The following LRP3 variants were observed in gnomAD, a reference collection of about 807,000 sequenced individuals.
LRP3 encodes the protein LDL receptor related protein 3.
In LRP3, 49 loss-of-function variants were observed where a neutral mutation model predicts 58.5. The observed-to-expected ratio is 0.84, with a 90% CI of 0.67 to 1.06. The LOEUF (loss-of-function observed/expected upper bound fraction) is 1.06. Ranked by LOEUF, LRP3 falls within the 50% of genes least tolerant of loss-of-function variation. The probability of loss-of-function intolerance (pLI) is 0.00; values close to 1 mark genes in which losing one functional copy is unlikely to be tolerated. For missense variants in LRP3, 1,019 were observed against 1,134.2 expected, an observed-to-expected ratio of 0.90 and a Z score of 1.46; for synonymous variants, 485 against 492.2, an observed-to-expected ratio of 0.99 and a Z score of 0.20.
At chr19:33,195,389 A>G (rs1418362582) in intron 1 of LRP3, among the ~76,000 whole-genome samples, 2 of 151,582 alleles carry the variant, frequency 1.3e-5, no homozygotes, top group East Asian at 2.0e-4. Flanking sequence ...TCAGTTTAGG[A>G]GGGTGCTTGG....
intron 2 of LRP3, among the ~76,000 whole-genome samples, chr19:33,198,242 G>T (rs531624138): frequency 6.6e-6 from 1 of 152,338 alleles, no homozygotes; most frequent in Admixed American, 6.5e-5. Flanking sequence ...TGGAGCTTGG[G>T]CGAGGAGGAC....
rs758426268 is a variant in LRP3 at position 33,203,028 on chromosome 19, C to T, written c.260+42C>T. The T allele has an allele frequency of 2.9e-5, 47 of 1,601,892 alleles. 1 individual carries two copies. The Admixed American group carries it at 5.7e-4, about 20-fold the overall frequency. On this transcript the variant is annotated intron_variant, in intron 3 of 6. Coordinates refer to ENST00000253193, the MANE Select transcript of LRP3 (RefSeq NM_002333.4). ...GTGTCGGAAGGAATCAATGTGGGCC[C>T]ACGTGCATGGGGTGGGTGAGAATGT... is the stretch of plus-strand genomic sequence containing the variant.
chr19:33,206,871 G>T, intron 6 of LRP3, 117 bp from the exon 7 acceptor site: 1 of 1,204,084 alleles, frequency 8.3e-7, no homozygotes, highest in African/African-American at 1.6e-5. Flanking sequence ...TGGGGGGGGT[G>T]GACAAGGTGG....
rs578134725 is a variant in LRP3, at chr19:33,204,967, C to T, written c.475+115C>T. The T allele has an allele frequency of 4.9e-5, 46 of 943,394 alleles. No individual in the cohort carries two copies. The Middle Eastern group carries it at 7.8e-4, about 16-fold the overall frequency. The allele number at this position is 943,394 out of a possible 1,614,324, so 58.4% of individuals were successfully genotyped here. On this transcript the variant is annotated intron_variant, in intron 4 of 6. Transcript: ENST00000253193. ...GGGCCCCGGCTCCCTGTGGGATGTCCCCTGACCGCCCTGTCAATCTCAGGA... is the reference window on the plus strand; with the variant it reads ...GGGCCCCGGCTCCCTGTGGGATGTCTCCTGACCGCCCTGTCAATCTCAGGA...
Position 33,207,347 on chromosome 19 carries a change from C to G in LRP3, c.2085C>G (p.Pro695=), listed in dbSNP as rs767566045. 8.2e-6 allele frequency: 13 copies of G among 1,585,516 alleles called. No individual in the cohort carries two copies. The Admixed American group carries it at 1.4e-4, about 17-fold the overall frequency. Reference sequence around the variant, plus strand: ...GCCTGCGAGACCCAGAGTGCAGGCCCGTGGACAAGGACAGAAAGGTCTGCA... The same window carrying G: ...GCCTGCGAGACCCAGAGTGCAGGCCGGTGGACAAGGACAGAAAGGTCTGCA... ...PSGLRDPECR[P]VDKDRKVCRE... is the part of the protein sequence containing the mutation. Residue 695 remains proline (P), a synonymous_variant, in exon 7 of 7, where the codon CCC becomes CCG. Coordinates refer to ENST00000253193, the MANE Select transcript of LRP3 (RefSeq NM_002333.4).
intron 3 of LRP3, chr19:33,204,082 G>GA: frequency 2.5e-5 from 4 of 158,672 alleles, no homozygotes; most frequent in Admixed American, 6.1e-5. Context: ...GTCTATCCTA[G>GA]TCTCTGTGCC....
rs1974442355 is a variant in LRP3 at position 33,207,726 on chromosome 19, TGGGC to T, written c.*155_*158del. On this transcript the variant is annotated 3_prime_UTR_variant, in exon 7 of 7. Transcript: ENST00000253193. ...CCCCTAAGCCAGCTGGCTGCACTGGTGGGCGGGAGCTGTGGGACTGAACGGCGGG... is the reference window on the plus strand; with the variant it reads ...CCCCTAAGCCAGCTGGCTGCACTGGTGGGAGCTGTGGGACTGAACGGCGGG... 1.6e-6 allele frequency: 1 copy of T among 613,788 alleles called. No homozygotes were observed. The highest frequency in any genetic ancestry group is 3.0e-5 in the Admixed American group (1 of 33,590). 38.0% of individuals were successfully genotyped at this position (613,788 alleles called of 1,614,324 possible). A position where few individuals can be genotyped will look rare whatever the true frequency, so the allele number is the denominator to read the frequency against.
rs1974268541 is a variant in LRP3 at position 33,194,848 on chromosome 19, C to A, written c.63C>A (p.Val21=). Residue 21 remains valine, a synonymous_variant, in exon 1 of 7, where the codon GTC becomes GTA. Coordinates refer to ENST00000253193, the MANE Select transcript of LRP3 (RefSeq NM_002333.4). ...CGGGCGCCCGGGCGCAGCTGGCCGT[C>A]GTCTGTCTGGGTGAGTGGGCCGCGC... ...GAPGARAQLA[V]VCLVNIFLTG... 2 of 1,113,456 alleles carry A rather than the reference C, an allele frequency of 1.8e-6. No individual in the cohort carries two copies. Among genetic ancestry groups the A allele is most frequent in the Admixed American group, 5.0e-5 (1 of 19,874 alleles). The allele number at this position is 1,113,456 out of a possible 1,614,324, so 69.0% of individuals were successfully genotyped here.
In LRP3 at chr19:33,194,797, C is replaced by T. The variant is rs896593924; in HGVS notation, c.12C>T (p.Arg4=). 27 of 1,038,342 alleles carry T rather than the reference C, an allele frequency of 2.6e-5. No homozygotes were observed. In the African/African-American group the frequency reaches 4.5e-4, roughly 17 times the overall value. 64.3% of individuals were successfully genotyped at this position (1,038,342 alleles called of 1,614,324 possible). The change falls in exon 1 of 7, where the codon CGC becomes CGT. Residue 4 remains arginine (R), a synonymous_variant. Transcript: ENST00000253193. MEK[R]AAAGLEGAPG... Reference sequence around the variant, plus strand: ...CGGCCGGGCCCGGCATGGAGAAGCGCGCGGCCGCGGGGCTGGAGGGCGCGC... The same window carrying T: ...CGGCCGGGCCCGGCATGGAGAAGCGTGCGGCCGCGGGGCTGGAGGGCGCGC...
At chr19:33,199,128 G>C (rs1018344458) in intron 2 of LRP3, among the ~76,000 whole-genome samples, 5 of 151,958 alleles carry the variant, frequency 3.3e-5, no homozygotes, top group Non-Finnish European at 5.9e-5. Flanking sequence ...CAACACCTCC[G>C]AACCCCTCCC....
At chr19:33,203,325 T>TGA (rs143622686) in intron 3 of LRP3, among the ~76,000 whole-genome samples, 14,697 of 147,736 alleles carry the variant, frequency 0.099, 1,395 homozygotes, top group African/African-American at 0.27. Context: ...TGTGTGCATA[T>TGA]GTGTGTGTGT....
chr19:33,200,719 C>G (rs1268739898), intron 2 of LRP3, among the ~76,000 whole-genome samples: 1 of 152,208 alleles, frequency 6.6e-6, no homozygotes, highest in Admixed American at 6.5e-5. Flanking sequence ...CCCTTCCTGG[C>G]TGGGAGCAGG....
In LRP3 at chr19:33,208,540, A is replaced by G. The variant is rs1205991001; in HGVS notation, c.*965A>G. 5 of 358,546 alleles carry G rather than the reference A, an allele frequency of 1.4e-5. No individual in the cohort carries two copies. The highest frequency in any genetic ancestry group is 2.1e-5 in the Non-Finnish European group (4 of 189,514). 22.2% of individuals were successfully genotyped at this position (358,546 alleles called of 1,614,324 possible). A position where few individuals can be genotyped will look rare whatever the true frequency, so the allele number is the denominator to read the frequency against. On this transcript the variant is annotated 3_prime_UTR_variant, in exon 7 of 7. Coordinates refer to ENST00000253193, the MANE Select transcript of LRP3 (RefSeq NM_002333.4). The surrounding 1 kb of genome is among the most constrained non-coding windows in gnomAD (Gnocchi z 4.7). ...CCTGTGTCAAGCAGCAAAGCCCCCT[A>G]ATGTCAAGAGCCTCCTCCAGGGCCT... is the stretch of plus-strand genomic sequence containing the variant.
chr19:33,195,481 C>T (rs995728468), intron 1 of LRP3, among the ~76,000 whole-genome samples: 3 of 152,220 alleles, frequency 2.0e-5, no homozygotes, highest in African/African-American at 7.2e-5. Flanking sequence ...TCCAGCTTTC[C>T]AGCGCTCTGT....
rs762589974 is a variant in LRP3 at position 33,205,692 on chromosome 19, G to A, written c.922G>A (p.Val308Met). 5.0e-6 allele frequency: 8 copies of A among 1,606,718 alleles called. No individual in the cohort carries two copies. Among genetic ancestry groups the A allele is most frequent in the African/African-American group, 1.3e-5 (1 of 74,908 alleles). ...LELRLGYDDY[V>M]QVYEGLGERG... ...ACTGCGGCTGGGCTATGACGACTACGTGCAGGTATACGAGGGCCTGGGCGA... is the reference window on the plus strand; with the variant it reads ...ACTGCGGCTGGGCTATGACGACTACATGCAGGTATACGAGGGCCTGGGCGA... The change falls in exon 5 of 7, where the codon GTG (valine) becomes ATG (methionine). Residue 308 changes from valine to methionine, a missense_variant. Val to Met is a conservative substitution (Grantham distance 21). Around this residue, in one of 2 missense-constraint regions of LRP3, gnomAD observed 592 missense variants for 725.5 expected, o/e 0.82. Coordinates refer to ENST00000253193, the MANE Select transcript of LRP3 (RefSeq NM_002333.4).
At chr19:33,199,399 G>A (rs1200612844) in intron 2 of LRP3, among the ~76,000 whole-genome samples, 2 of 151,662 alleles carry the variant, frequency 1.3e-5, no homozygotes, top group East Asian at 3.9e-4. Flanking sequence ...ACTTGAGCCT[G>A]GAAGTTAAGG....
rs925648791 is a variant in LRP3 at position 33,194,675 on chromosome 19, T to TAGCCCG, written c.-94_-89dup. ...GCCACGCCAGCCGGAGCCCGAGCCC[T>TAGCCCG]AGCCCGAGCCCGAGCCCGAGCCGCA... On this transcript the variant is annotated 5_prime_UTR_variant, in exon 1 of 7. Coordinates refer to ENST00000253193, the MANE Select transcript of LRP3 (RefSeq NM_002333.4). The TAGCCCG allele has an allele frequency of 6.1e-4, 129 of 211,394 alleles. No homozygotes were observed. In the Middle Eastern group the frequency reaches 9.2e-3, roughly 15 times the overall value. 13.1% of individuals were successfully genotyped at this position (211,394 alleles called of 1,614,324 possible). A position where few individuals can be genotyped will look rare whatever the true frequency, so the allele number is the denominator to read the frequency against.
At position 33,207,162 on chromosome 19, in the gene LRP3, G is replaced by A. The variant is rs777886074; in HGVS notation, c.1900G>A (p.Val634Met). Reference sequence around the variant, plus strand: ...GACCGCAGCACGCCCCTCACAGACCGTGCTGGGCGATGGCTTCCTCCAGCC... The same window carrying A: ...GACCGCAGCACGCCCCTCACAGACCATGCTGGGCGATGGCTTCCTCCAGCC... Reference protein sequence around the residue: ...LLTAARPSQTVLGDGFLQPAP... With the variant: ...LLTAARPSQTMLGDGFLQPAP... Residue 634 changes from valine to methionine, a missense_variant, in exon 7 of 7, where the codon GTG becomes ATG. By Grantham distance (21) the Val-to-Met change is conservative. Transcript: ENST00000253193. 60 of 1,540,528 alleles carry A rather than the reference G, an allele frequency of 3.9e-5. No individual in the cohort carries two copies. The East Asian group carries it at 1.1e-3, about 28-fold the overall frequency.
At position 33,194,499 on chromosome 19, in the gene LRP3, G is replaced by C. The variant is rs1229780293; in HGVS notation, c.-287G>C. ...GCGGGGCTCCCGGGGCGCGGGGGCA[G>C]CGGCGGGCGGGGGTCTTCCCTGGCG... On this transcript the variant is annotated 5_prime_UTR_variant, in exon 1 of 7. Transcript: ENST00000253193. The C allele has an allele frequency of 6.9e-6, 1 of 144,764 alleles. No homozygotes were observed. The highest frequency in any genetic ancestry group is 1.5e-5 in the Non-Finnish European group (1 of 65,232). The allele number at this position is 144,764 out of a possible 1,614,324, so 9.0% of individuals were successfully genotyped here. A position where few individuals can be genotyped will look rare whatever the true frequency, so the allele number is the denominator to read the frequency against.
Sources: gnomAD v4.1 joint callset for allele counts (sites outside exome capture counted in the v4.1 genomes callset) on GRCh38, gnomAD v4.1.1 for gene constraint, gnomAD v4.1.1 regional missense constraint, Gnocchi (gnomAD v3.1) non-coding constraint, MANE v1.5 for transcripts, NCBI Gene and HGNC (gene_info 2026-07-23, HGNC 2026-07-21) for gene names.